Variants in ADAM12 observed in about 807,000 individuals in gnomAD.
The protein encoded by ADAM12 is disintegrin and metalloproteinase domain-containing protein 12.
In ADAM12, 70 loss-of-function variants were observed where a neutral mutation model predicts 106.4. The ratio of observed to expected loss-of-function variants is 0.66; its 90% CI spans 0.54 to 0.80. The LOEUF is 0.80. Ranked by LOEUF, ADAM12 falls within the 30% of genes least tolerant of loss-of-function variation. The probability of loss-of-function intolerance (pLI) is 0.00; values close to 1 mark genes in which losing one functional copy is unlikely to be tolerated. For missense variants in ADAM12, 1,010 were observed against 1,171.9 expected (o/e 0.86, Z 2.02); for synonymous variants, 420 against 433.5 (o/e 0.97, Z 0.39).
chr10:126,224,309 G>A (rs1049860859), intron 3 of ADAM12, among the ~76,000 whole-genome samples: 1 of 152,170 alleles, frequency 6.6e-6, no homozygotes, highest in African/African-American at 2.4e-5. Context: ...GGTGAGGGGA[G>A]TCCCAGGAGA....
chr10:126,299,968 T>C (rs1455109440), intron 2 of ADAM12, among the ~76,000 whole-genome samples: 1 of 152,216 alleles, frequency 6.6e-6, no homozygotes, highest in Non-Finnish European at 1.5e-5. Context: ...TTCTCTGACA[T>C]CCTCATATCA....
intron 2 of ADAM12, among the ~76,000 whole-genome samples, chr10:126,316,030 A>G (rs1853854155): frequency 6.6e-6 from 1 of 152,208 alleles, no homozygotes; most frequent in African/African-American, 2.4e-5. Context: ...ACCAGAGATT[A>G]TATGCCCCCG....
At chr10:126,051,588 T>TCCATCCAGCCAG (rs1281562847) in intron 14 of ADAM12, among the ~76,000 whole-genome samples, 102 of 124,398 alleles carry the variant, frequency 8.2e-4, no homozygotes, top group Middle Eastern at 4.5e-3. Context: ...CATCCATCCA[T>TCCATCCAGCCAG]CCAGCCAGCC....
intron 2 of ADAM12, among the ~76,000 whole-genome samples, chr10:126,290,195 A>C (rs1960084442): frequency 6.6e-6 from 1 of 152,170 alleles, no homozygotes; most frequent in African/African-American, 2.4e-5. Flanking sequence ...CGCCAGCAAG[A>C]AAATAGGAAC....
At chr10:126,354,330 G>T (rs764189862) in intron 1 of ADAM12, among the ~76,000 whole-genome samples, 1 of 152,110 alleles carries the variant, frequency 6.6e-6, no homozygotes, top group Non-Finnish European at 1.5e-5. Context: ...TTAGTTTAAC[G>T]CAATTGGCTC....
chr10:126,120,672 G>C (rs563341632), intron 5 of ADAM12, among the ~76,000 whole-genome samples: 52 of 151,868 alleles, frequency 3.4e-4, no homozygotes, highest in Non-Finnish European at 6.3e-4. Context: ...GTCAGATGGG[G>C]TGAAGGTGGG....
At chr10:126,252,941 C>CA (rs1958815548) in intron 3 of ADAM12, among the ~76,000 whole-genome samples, 1 of 152,132 alleles carries the variant, frequency 6.6e-6, no homozygotes, top group South Asian at 2.1e-4. Context: ...GTGGCACTTG[C>CA]AACTTCATGG....
At chr10:126,287,988 G>T (rs967536183) in intron 2 of ADAM12, among the ~76,000 whole-genome samples, 1 of 151,912 alleles carries the variant, frequency 6.6e-6, no homozygotes, top group African/African-American at 2.4e-5. Flanking sequence ...CAGGCAGGAG[G>T]AGTCGGGGAT....
intron 3 of ADAM12, among the ~76,000 whole-genome samples, chr10:126,256,170 T>A (rs1025553094): frequency 6.6e-6 from 1 of 152,064 alleles, no homozygotes; most frequent in African/African-American, 2.4e-5. Context: ...TTGCTCCAGG[T>A]GATTCTAATG....
At chr10:126,203,769 T>A (rs1957743596) in intron 3 of ADAM12, among the ~76,000 whole-genome samples, 1 of 152,228 alleles carries the variant, frequency 6.6e-6, no homozygotes, top group East Asian at 1.9e-4. Flanking sequence ...ATAAGTTTCA[T>A]AACTTTGGGC....
chr10:126,328,026 T>C (rs769151093), intron 2 of ADAM12, among the ~76,000 whole-genome samples: 1 of 152,236 alleles, frequency 6.6e-6, no homozygotes, highest in African/African-American at 2.4e-5. Flanking sequence ...TTAGAACTTA[T>C]TGAAAAAACT....
intron 18 of ADAM12, among the ~76,000 whole-genome samples, 171 bp from the exon 19 acceptor site, chr10:126,039,600 T>C (rs1590320435): frequency 6.6e-6 from 1 of 152,200 alleles, no homozygotes; most frequent in East Asian, 1.9e-4. Context: ...ATGTTTGAGG[T>C]TCAATCTATG....
rs543092964 is a variant in ADAM12, at chr10:126,285,084, G to A, written c.187-6096C>T. On this transcript the variant is annotated intron_variant, in intron 2 of 22. Coordinates refer to ENST00000448723, the MANE Select transcript of ADAM12 (RefSeq NM_001288973.2). The stretch of plus-strand genomic sequence containing the variant: ...AGGGAGCCAGCAGGTAAGAGGAGCC[G>A]GTAGGTGCTGGCCAAAAAAGGGCTA... 9.0e-4 allele frequency among the ~76,000 whole-genome samples: 137 copies of A among 152,304 alleles called. 1 individual carries two copies. The highest frequency in any genetic ancestry group is 3.0e-3 in the African/African-American group (123 of 41,566).
chr10:126,133,823 A>G (rs995134116), intron 5 of ADAM12, among the ~76,000 whole-genome samples: 1 of 152,026 alleles, frequency 6.6e-6, no homozygotes, highest in Non-Finnish European at 1.5e-5. Context: ...CTGCTTCAGG[A>G]GCTTTGCACA....
chr10:126,362,484 G>C (rs1590826484), intron 1 of ADAM12, among the ~76,000 whole-genome samples: 1 of 152,190 alleles, frequency 6.6e-6, no homozygotes, highest in African/African-American at 2.4e-5. Flanking sequence ...GTATGTCAAA[G>C]AGATGTCTGA....
At chr10:126,332,380 G>T (rs1854552657) in intron 1 of ADAM12, among the ~76,000 whole-genome samples, 1 of 152,152 alleles carries the variant, frequency 6.6e-6, no homozygotes, top group South Asian at 2.1e-4. Context: ...AGAGAAAACT[G>T]CCCTCAGGAC....
At chr10:126,311,056 G>A (rs1194306144) in intron 2 of ADAM12, among the ~76,000 whole-genome samples, 1 of 150,392 alleles carries the variant, frequency 6.6e-6, no homozygotes, top group Non-Finnish European at 1.5e-5. Context: ...CACCTTTTTA[G>A]TGGGTTATGG....
At chr10:126,208,288 T>C (rs934114275) in intron 3 of ADAM12, among the ~76,000 whole-genome samples, 1 of 152,210 alleles carries the variant, frequency 6.6e-6, no homozygotes. Context: ...GGGAGCAGAC[T>C]GTGGGCAGAC....
chr10:126,177,042 GCA>G (rs150341109), intron 3 of ADAM12, among the ~76,000 whole-genome samples: 7 of 150,670 alleles, frequency 4.6e-5, no homozygotes, highest in South Asian at 2.1e-4. Context: ...GTGCACATGT[GCA>G]CACACACACA....
Sources: allele counts gnomAD v4.1 joint callset (sites outside exome capture counted in the v4.1 genomes callset), GRCh38; gene constraint gnomAD v4.1.1; transcripts MANE v1.5; gene names NCBI Gene and HGNC (gene_info 2026-07-23, HGNC 2026-07-21).